PRR16: variants seen among roughly 807,000 people sequenced by gnomAD.
The protein encoded by PRR16 is proline rich 16.
Under a neutral mutation model 18.2 loss-of-function variants are expected in PRR16, and 6 were observed. The ratio of observed to expected loss-of-function variants is 0.33; its 90% CI spans 0.18 to 0.65. The LOEUF is 0.65. PRR16 is among the 30% of genes least tolerant of loss of function. The pLI, the probability that PRR16 is intolerant of heterozygous loss-of-function variation, is 0.74. For missense variants in PRR16, 412 were observed against 376.6 expected (o/e 1.09, Z -0.78); for synonymous variants, 151 against 147.8 (o/e 1.02, Z -0.16).
At chr5:120,733,517 TC>T in the PRR16 span, among the ~76,000 whole-genome samples, 1 of 152,136 alleles carries the variant, frequency 6.6e-6, no homozygotes, top group Non-Finnish European at 1.5e-5. Flanking sequence ...AGTGTATAAG[TC>T]CCCAAATCCC....
At position 120,516,349 on chromosome 5, in the gene PRR16, C is replaced by T. The variant is rs1196116418; in HGVS notation, c.159+51704C>T. ...CTGCGGCACAAGAATCACTTGAACC[C>T]AGGAGGCAGAGGTTGCAATGAGCCG... On this transcript the variant is annotated intron_variant, in intron 1 of 1. Coordinates refer to ENST00000407149, the MANE Select transcript of PRR16 (RefSeq NM_001300783.2). Among the ~76,000 whole-genome samples the T allele has an allele frequency of 2.7e-5, 4 of 148,360 alleles. No homozygotes were observed. In the Admixed American group the frequency reaches 2.8e-4, roughly 10 times the overall value.
the PRR16 span, among the ~76,000 whole-genome samples, chr5:120,718,578 C>T: frequency 6.6e-6 from 1 of 151,972 alleles, no homozygotes; most frequent in Non-Finnish European, 1.5e-5. Flanking sequence ...CCCTTATATT[C>T]TAATTGGCCA....
At chr5:120,526,473 C>T (rs1322144383) in intron 1 of PRR16, among the ~76,000 whole-genome samples, 1 of 152,076 alleles carries the variant, frequency 6.6e-6, no homozygotes, top group Non-Finnish European at 1.5e-5. Context: ...GGCAACAAAT[C>T]CTGGCAATAA....
At chr5:120,712,011 T>A in the PRR16 span, among the ~76,000 whole-genome samples, 1 of 152,176 alleles carries the variant, frequency 6.6e-6, no homozygotes, top group Non-Finnish European at 1.5e-5. Context: ...GTGTCATATT[T>A]TTCCTCTTAT....
the PRR16 span, among the ~76,000 whole-genome samples, chr5:120,706,050 A>G: frequency 6.6e-6 from 1 of 152,186 alleles, no homozygotes; most frequent in Non-Finnish European, 1.5e-5. Flanking sequence ...ATCTAATTAA[A>G]TGGGTACAAA....
intron 1 of PRR16, among the ~76,000 whole-genome samples, chr5:120,646,051 TATATA>T (rs377076817): frequency 0.38 from 37,655 of 97,976 alleles, 6,272 homozygotes; most frequent in Middle Eastern, 0.51. Flanking sequence ...ACATATTTTA[TATATA>T]TATATATATA....
At chr5:120,741,546 C>T in the PRR16 span, among the ~76,000 whole-genome samples, 1 of 152,110 alleles carries the variant, frequency 6.6e-6, no homozygotes, top group Non-Finnish European at 1.5e-5. Context: ...TATTCCACAT[C>T]TCAGAAAAAA....
At chr5:120,559,968 T>C (rs895099237) in intron 1 of PRR16, among the ~76,000 whole-genome samples, 2 of 152,010 alleles carry the variant, frequency 1.3e-5, no homozygotes, top group African/African-American at 4.8e-5. Flanking sequence ...GAAATGCTGA[T>C]TTTTGTATGT....
intron 1 of PRR16, among the ~76,000 whole-genome samples, chr5:120,551,907 A>C (rs1385772711): frequency 6.6e-6 from 1 of 151,946 alleles, no homozygotes. Context: ...TTCATGGATG[A>C]ATATTTTCAC....
At chr5:120,725,774 A>C in the PRR16 span, among the ~76,000 whole-genome samples, 1 of 152,036 alleles carries the variant, frequency 6.6e-6, no homozygotes. Flanking sequence ...CTCTTCTGAG[A>C]GCTTAGGGTC....
intron 1 of PRR16, among the ~76,000 whole-genome samples, chr5:120,556,807 C>T (rs954811570): frequency 3.3e-5 from 5 of 151,928 alleles, no homozygotes; most frequent in African/African-American, 1.2e-4. Context: ...CAGCTCTCTT[C>T]AGGGCTGAAC....
chr5:120,490,481 G>A (rs576776715), intron 1 of PRR16, among the ~76,000 whole-genome samples: 2 of 152,088 alleles, frequency 1.3e-5, no homozygotes, highest in East Asian at 1.9e-4. Context: ...CGTGGTTCTC[G>A]TGCCGTGGTT....
intron 1 of PRR16, among the ~76,000 whole-genome samples, chr5:120,502,667 T>A (rs891532463): frequency 6.6e-6 from 1 of 152,300 alleles, no homozygotes; most frequent in East Asian, 1.9e-4. Flanking sequence ...GCAAATCTTT[T>A]AATCCCTATT....
intron 1 of PRR16, among the ~76,000 whole-genome samples, chr5:120,659,861 A>C (rs1756115839): frequency 1.3e-5 from 2 of 152,014 alleles, no homozygotes; most frequent in Non-Finnish European, 2.9e-5. Flanking sequence ...TTGATGCTTA[A>C]AAAGAGTGAC....
chr5:120,780,414 G>A, the PRR16 span, among the ~76,000 whole-genome samples: 1 of 140,340 alleles, frequency 7.1e-6, no homozygotes, highest in Non-Finnish European at 1.6e-5. Flanking sequence ...TAATTTAATT[G>A]TTTATTTGTG....
intron 1 of PRR16, among the ~76,000 whole-genome samples, chr5:120,677,905 C>CTTTTTTTTT (rs386404833): frequency 2.4e-4 from 22 of 93,204 alleles, no homozygotes; most frequent in African/African-American, 3.5e-4. Context: ...CTTTTTCTTT[C>CTTTTTTTTT]TTTTTTTTTT....
intron 1 of PRR16, among the ~76,000 whole-genome samples, chr5:120,648,205 G>A (rs950769767): frequency 6.6e-6 from 1 of 152,038 alleles, no homozygotes; most frequent in Non-Finnish European, 1.5e-5. Flanking sequence ...TTTCAAAGTG[G>A]TGATACTTTG....
At chr5:120,576,142 G>A (rs1476017328) in intron 1 of PRR16, among the ~76,000 whole-genome samples, 1 of 152,000 alleles carries the variant, frequency 6.6e-6, no homozygotes, top group Non-Finnish European at 1.5e-5. Context: ...AACCTCAAAA[G>A]CACAGGCAAC....
the PRR16 span, among the ~76,000 whole-genome samples, chr5:120,743,279 A>G: frequency 1.1e-3 from 168 of 151,938 alleles, 2 homozygotes; most frequent in Middle Eastern, 3.4e-3. Flanking sequence ...AAATAAATTC[A>G]GTGTTCCTTT....
Sources: gnomAD v4.1 joint callset for allele counts (sites outside exome capture counted in the v4.1 genomes callset) on GRCh38, gnomAD v4.1.1 for gene constraint, MANE v1.5 for transcripts, NCBI Gene and HGNC (gene_info 2026-07-23, HGNC 2026-07-21) for gene names.